Variants in SEZ6L observed in about 807,000 individuals in gnomAD.
The protein encoded by SEZ6L is seizure related 6 homolog like.
A neutral mutation model predicts 106.2 loss-of-function variants in SEZ6L; 37 were observed. The observed-to-expected ratio is 0.35, with a 90% confidence interval of 0.27 to 0.46. The LOEUF (loss-of-function observed/expected upper bound fraction) is 0.46. Among genes scored for constraint, SEZ6L ranks in the 20% least tolerant of loss-of-function variants. The pLI, the probability that SEZ6L is intolerant of heterozygous loss-of-function variation, is 1.00. For synonymous variants in SEZ6L, 541 were observed against 570.4 expected, an observed-to-expected ratio of 0.95 and a Z score of 0.73; for missense variants, 1,172 against 1,332.8, an observed-to-expected ratio of 0.88 and a Z score of 1.88.
At chr22:26,190,134 A>C (rs1191661572) in intron 1 of SEZ6L, among the ~76,000 whole-genome samples, 1 of 151,736 alleles carries the variant, frequency 6.6e-6, no homozygotes, top group Non-Finnish European at 1.5e-5. Flanking sequence ...AAAGAAAAGA[A>C]AAGAAAAACT....
chr22:26,285,370 C>A (rs937725355), intron 1 of SEZ6L, among the ~76,000 whole-genome samples: 1 of 152,226 alleles, frequency 6.6e-6, no homozygotes, highest in African/African-American at 2.4e-5. Context: ...CTAAGACCTT[C>A]TCCAACCCTC....
rs764723375 is a variant in SEZ6L at position 26,311,923 on chromosome 22, C to T, written c.1837C>T (p.Arg613Trp). The change falls in exon 8 of 17, where the codon CGG becomes TGG. Residue 613 changes from arginine (R) to tryptophan (W), a missense_variant. By Grantham distance (101) the Arg-to-Trp change is moderately radical. Around this residue, in one of 4 missense-constraint regions of SEZ6L, gnomAD observed 534 missense variants for 691.0 expected, o/e 0.77. Coordinates refer to ENST00000248933, the MANE Select transcript of SEZ6L (RefSeq NM_021115.5). ...GPAIIECINVRDPYWNDTEPL... is the reference protein window; with the variant it reads ...GPAIIECINVWDPYWNDTEPL... Reference sequence around the variant, plus strand: ...GGCCATCATCGAATGCATCAATGTGCGGGACCCATACTGGAATGACACAGA... The same window carrying T: ...GGCCATCATCGAATGCATCAATGTGTGGGACCCATACTGGAATGACACAGA... 3.7e-6 allele frequency: 6 copies of T among 1,613,990 alleles called. No individual in the cohort carries two copies. The highest frequency in any genetic ancestry group is 2.2e-5 in the South Asian group (2 of 91,070).
At chr22:26,324,596 G>T (rs1456684329) in intron 9 of SEZ6L, among the ~76,000 whole-genome samples, 4 of 152,168 alleles carry the variant, frequency 2.6e-5, no homozygotes, top group Admixed American at 1.3e-4. Flanking sequence ...CGTTAGCCCT[G>T]GGAGAATAGA....
chr22:26,301,358 A>G (rs1368613055), intron 5 of SEZ6L, among the ~76,000 whole-genome samples: 2 of 152,190 alleles, frequency 1.3e-5, no homozygotes, highest in African/African-American at 4.8e-5. Context: ...CCGAGCGCCC[A>G]CTGTGTGGTA....
intron 1 of SEZ6L, among the ~76,000 whole-genome samples, chr22:26,222,620 G>A (rs1052360712): frequency 6.6e-6 from 1 of 152,136 alleles, no homozygotes. Flanking sequence ...CATGTTTGCT[G>A]AACAGCAAAA....
chr22:26,266,202 G>T (rs1432239611), intron 1 of SEZ6L, among the ~76,000 whole-genome samples: 3 of 151,766 alleles, frequency 2.0e-5, no homozygotes, highest in Admixed American at 6.6e-5. Flanking sequence ...AGAGTTGACT[G>T]CTTGGCCCAC....
chr22:26,178,574 C>T (rs1019202563), intron 1 of SEZ6L, among the ~76,000 whole-genome samples: 2 of 152,160 alleles, frequency 1.3e-5, no homozygotes, highest in Non-Finnish European at 2.9e-5. Flanking sequence ...GGGTCTGGAG[C>T]TCAGGACAAG....
rs944331463 is a variant in SEZ6L, at chr22:26,383,303, A to T, written c.*3008A>T. 6.6e-6 allele frequency: 1 copy of T among 152,086 alleles called. No homozygotes were observed. Among genetic ancestry groups the T allele is most frequent in the Non-Finnish European group, 1.5e-5 (1 of 68,002 alleles). The allele number at this position is 152,086 out of a possible 1,614,324, so 9.4% of individuals were successfully genotyped here. A position where few individuals can be genotyped will look rare whatever the true frequency, so the allele number is the denominator to read the frequency against. ...GTTGTATAACAAGTAGTGATTTGGCAAATATGTGGGTAGCTTTAGGCTGAG... is the reference window on the plus strand; with the variant it reads ...GTTGTATAACAAGTAGTGATTTGGCTAATATGTGGGTAGCTTTAGGCTGAG... On this transcript the variant is annotated 3_prime_UTR_variant, in exon 17 of 17. Transcript: ENST00000248933.
Position 26,351,532 on chromosome 22 carries a change from T to C in SEZ6L, c.2599+289T>C, listed in dbSNP as rs62225727. On this transcript the variant is annotated intron_variant, in intron 12 of 16. Transcript: ENST00000248933. ...TTGTTTTTTTGTTTGTTTGTTTGTT[T>C]GTTTGTTTGTTTGTTGGTTGGTTGG... 2.2e-5 allele frequency: 4 copies of C among 183,636 alleles called. No homozygotes were observed. The South Asian group carries it at 2.6e-4, about 12-fold the overall frequency. 11.4% of individuals were successfully genotyped at this position (183,636 alleles called of 1,614,324 possible).
Position 26,299,081 on chromosome 22 carries a change from C to T in SEZ6L, c.1260C>T (p.His420=), listed in dbSNP as rs1047495959. The T allele has an allele frequency of 1.2e-6, 2 of 1,608,188 alleles. No individual in the cohort carries two copies. The highest frequency in any genetic ancestry group is 1.3e-5 in the African/African-American group (1 of 74,602). The part of the protein sequence containing the change: ...HSGGVAHFHC[H]LGYELQGAKM... ...GTGGGGTGGCCCACTTTCACTGCCA[C>T]CTGGGCTATGAGCTCCAGGGCGCTA... The change falls in exon 5 of 17, where the codon CAC becomes CAT. Residue 420 remains histidine, a synonymous_variant. Transcript: ENST00000248933.
At chr22:26,280,327 T>G (rs551378425) in intron 1 of SEZ6L, among the ~76,000 whole-genome samples, 1 of 152,176 alleles carries the variant, frequency 6.6e-6, no homozygotes, top group African/African-American at 2.4e-5. Flanking sequence ...AAATTCTCCT[T>G]TCCATCTTTA....
At chr22:26,310,592 G>A (rs773448630) in intron 6 of SEZ6L, 78 bp from the exon 7 acceptor site, 12 of 1,504,892 alleles carry the variant, frequency 8.0e-6, no homozygotes, top group South Asian at 2.4e-5. Flanking sequence ...AGAGGCAGTC[G>A]TAGCACATCC....
Position 26,209,705 on chromosome 22 carries a change from AGAGGAAG to A in SEZ6L, c.94+39951_94+39957del, listed in dbSNP as rs1443553594. 2.0e-5 allele frequency among the ~76,000 whole-genome samples: 3 copies of A among 149,002 alleles called. No individual in the cohort carries two copies. The East Asian group carries it at 6.3e-4, about 31-fold the overall frequency. On this transcript the variant is annotated intron_variant, in intron 1 of 16. Transcript: ENST00000248933. Reference sequence around the variant, plus strand: ...TGACAGGAAGGGAAGGAAAAAAGAAAGAGGAAGGAGGAAGGGGAGGAAGGAAGGAGAG... The same window carrying A: ...TGACAGGAAGGGAAGGAAAAAAGAAAGAGGAAGGGGAGGAAGGAAGGAGAG...
chr22:26,240,067 GAC>G (rs67141647), intron 1 of SEZ6L, among the ~76,000 whole-genome samples: 25,707 of 135,874 alleles, frequency 0.19, 2,547 homozygotes, highest in Non-Finnish European at 0.24. Context: ...CACACATACA[GAC>G]ACACACACAC....
chr22:26,246,292 C>T (rs2079340661), intron 1 of SEZ6L, among the ~76,000 whole-genome samples: 1 of 152,224 alleles, frequency 6.6e-6, no homozygotes. Context: ...CCTTCCTTTA[C>T]CTAACACAGA....
Position 26,292,724 on chromosome 22 carries a change from C to T in SEZ6L, c.413C>T (p.Ser138Phe), listed in dbSNP as rs1315682442. Reference sequence around the variant, plus strand: ...AAGCAGCTGAGGCCCAAGGCCACCTCCGCAGCCACTGTCCAAAGGGCAGGG... The same window carrying T: ...AAGCAGCTGAGGCCCAAGGCCACCTTCGCAGCCACTGTCCAAAGGGCAGGG... ...ARKQLRPKATSAATVQRAGSQ... is the reference protein window; with the variant it reads ...ARKQLRPKATFAATVQRAGSQ... The change falls in exon 2 of 17, where the codon TCC becomes TTC. Residue 138 changes from serine (S) to phenylalanine (F), a missense_variant. Ser to Phe is a radical substitution (Grantham distance 155). Coordinates refer to ENST00000248933, the MANE Select transcript of SEZ6L (RefSeq NM_021115.5). The T allele has an allele frequency of 2.5e-6, 4 of 1,613,824 alleles. No individual in the cohort carries two copies. Among genetic ancestry groups the T allele is most frequent in the Middle Eastern group, 1.6e-4 (1 of 6,084 alleles).
intron 1 of SEZ6L, among the ~76,000 whole-genome samples, chr22:26,287,547 A>G (rs1162478529): frequency 6.6e-6 from 1 of 152,216 alleles, no homozygotes; most frequent in Non-Finnish European, 1.5e-5. Flanking sequence ...CAAGAAAAAC[A>G]AGGCTATTGG....
chr22:26,275,096 T>C (rs1374808486), intron 1 of SEZ6L, among the ~76,000 whole-genome samples: 1 of 152,212 alleles, frequency 6.6e-6, no homozygotes, highest in East Asian at 1.9e-4. Flanking sequence ...CAAACCTTTT[T>C]TCAGACTGTG....
chr22:26,348,686 GAAA>G (rs2083140093), intron 11 of SEZ6L, among the ~76,000 whole-genome samples: 1 of 85,912 alleles, frequency 1.2e-5, no homozygotes, highest in Non-Finnish European at 2.3e-5. Flanking sequence ...AAGAAAGAAA[GAAA>G]GAAAGAAAGA....
Sources: allele counts gnomAD v4.1 joint callset (sites outside exome capture counted in the v4.1 genomes callset), GRCh38; gene constraint gnomAD v4.1.1; regional missense constraint gnomAD v4.1.1; transcripts MANE v1.5; gene names NCBI Gene and HGNC (gene_info 2026-07-23, HGNC 2026-07-21).